Variants in NTM observed in about 807,000 individuals in gnomAD.
NTM encodes neurotrimin, also known as IgLON family member 2.
NTM carries 13 observed loss-of-function variants against 42.1 expected under a neutral mutation model. That is an observed-to-expected ratio of 0.31 (90% CI 0.20 to 0.49). The LOEUF is 0.49. NTM is among the 20% of genes least tolerant of loss of function. The probability of loss-of-function intolerance (pLI) is 0.99; values close to 1 mark genes in which losing one functional copy is unlikely to be tolerated. For missense variants in NTM, 373 were observed against 452.8 expected, an observed-to-expected ratio of 0.82 and a Z score of 1.60; for synonymous variants, 187 against 179.2, an observed-to-expected ratio of 1.04 and a Z score of -0.35.
At chr11:131,473,610 A>C (rs924167245) in intron 1 of NTM, among the ~76,000 whole-genome samples, 1 of 152,212 alleles carries the variant, frequency 6.6e-6, no homozygotes, top group Non-Finnish European at 1.5e-5. Context: ...AAGGTTTTTG[A>C]GAAGCTTGGA....
chr11:132,247,711 C>G (rs768976835), intron 4 of NTM, among the ~76,000 whole-genome samples: 49 of 152,102 alleles, frequency 3.2e-4, no homozygotes, highest in Non-Finnish European at 6.0e-4. Context: ...AAAGTTGGAT[C>G]TAGGAGACCA....
chr11:131,887,833 T>A (rs770706590), intron 1 of NTM, among the ~76,000 whole-genome samples: 7 of 152,238 alleles, frequency 4.6e-5, no homozygotes, highest in Non-Finnish European at 8.8e-5. Context: ...TATCAGATGA[T>A]TATGATAGCA....
intron 2 of NTM, among the ~76,000 whole-genome samples, chr11:132,118,788 T>G (rs896946586): frequency 2.0e-5 from 3 of 152,194 alleles, no homozygotes; most frequent in African/African-American, 7.2e-5. Flanking sequence ...TTAGGCTGGT[T>G]TCAATGAAAA....
intron 3 of NTM, among the ~76,000 whole-genome samples, chr11:132,172,141 A>G (rs1591998042): frequency 6.6e-6 from 1 of 152,326 alleles, no homozygotes; most frequent in South Asian, 2.1e-4. Context: ...TTAAGTTTGG[A>G]CCACTCTTGG....
At chr11:131,832,592 T>C (rs1037217575) in intron 1 of NTM, among the ~76,000 whole-genome samples, 3 of 152,184 alleles carry the variant, frequency 2.0e-5, no homozygotes, top group Admixed American at 2.0e-4. Context: ...ATGAGGCAGC[T>C]TAGTGTAGGT....
At chr11:132,248,726 G>T (rs1211551921) in intron 4 of NTM, among the ~76,000 whole-genome samples, 1 of 152,200 alleles carries the variant, frequency 6.6e-6, no homozygotes, top group Non-Finnish European at 1.5e-5. Context: ...TCAGCTGAAG[G>T]CAGTAAATTC....
At chr11:132,242,619 C>T (rs984452240) in intron 4 of NTM, among the ~76,000 whole-genome samples, 9 of 152,318 alleles carry the variant, frequency 5.9e-5, no homozygotes, top group East Asian at 3.9e-4. Context: ...CGCTTTCACA[C>T]GGCCCGAGTA....
At chr11:131,521,201 G>A (rs2049612128) in intron 1 of NTM, among the ~76,000 whole-genome samples, 2 of 151,364 alleles carry the variant, frequency 1.3e-5, no homozygotes, top group Non-Finnish European at 2.9e-5. Flanking sequence ...TGTAGTCCCA[G>A]CTACTTGGGA....
chr11:132,004,638 A>T lies in NTM; in HGVS notation c.167+92990A>T, dbSNP rs868125820. Among the ~76,000 whole-genome samples the T allele has an allele frequency of 6.2e-4, 85 of 136,156 alleles. No individual in the cohort carries two copies. The South Asian group carries it at 8.7e-3, about 14-fold the overall frequency. 89.3% of individuals were successfully genotyped at this position (136,156 alleles called of 152,430 possible). ...CTCTCTCTCTCTCTCTCTCTCTCACACACACACACACACACAACACACACA... is the reference window on the plus strand; with the variant it reads ...CTCTCTCTCTCTCTCTCTCTCTCACTCACACACACACACACAACACACACA... On this transcript the variant is annotated intron_variant, in intron 2 of 8. Coordinates refer to ENST00000683400, the MANE Select transcript of NTM (RefSeq NM_001352005.2).
chr11:132,311,412 C>G (rs894174080), intron 6 of NTM, among the ~76,000 whole-genome samples: 6 of 152,142 alleles, frequency 3.9e-5, no homozygotes, highest in Admixed American at 3.9e-4. Context: ...ATTCATGTAG[C>G]CCATTTTACA....
chr11:132,162,357 TG>T (rs1452142257), intron 3 of NTM, among the ~76,000 whole-genome samples: 3 of 150,124 alleles, frequency 2.0e-5, no homozygotes, highest in Admixed American at 6.6e-5. Flanking sequence ...GTGGGGCATG[TG>T]GGGGGGACTG....
chr11:132,012,236 T>A (rs2072369771), intron 2 of NTM, among the ~76,000 whole-genome samples: 1 of 152,200 alleles, frequency 6.6e-6, no homozygotes, highest in Admixed American at 6.5e-5. Flanking sequence ...TAATTCAGTG[T>A]TAAATTGTGT....
At chr11:131,502,568 G>A (rs981541269) in intron 1 of NTM, among the ~76,000 whole-genome samples, 7 of 152,122 alleles carry the variant, frequency 4.6e-5, no homozygotes, top group African/African-American at 1.7e-4. Context: ...AAGAGAGTGA[G>A]GAGTCGGGGC....
chr11:131,925,386 T>C (rs1194938002), intron 2 of NTM, among the ~76,000 whole-genome samples: 83 of 141,550 alleles, frequency 5.9e-4, no homozygotes, highest in African/African-American at 2.1e-3. Context: ...CTTTTCTCTT[T>C]TTTTTTTTTT....
intron 1 of NTM, chr11:131,503,059 A>G (rs994218284): frequency 6.6e-6 from 1 of 152,486 alleles, no homozygotes; most frequent in Non-Finnish European, 1.5e-5. Context: ...GAGGGACTGC[A>G]GTCAGGGTCA....
intron 1 of NTM, among the ~76,000 whole-genome samples, chr11:131,777,571 T>C (rs368938410): frequency 4.6e-5 from 7 of 151,728 alleles, no homozygotes; most frequent in African/African-American, 1.7e-4. Flanking sequence ...AATTCTGCGT[T>C]CTTGTTTCAG....
intron 1 of NTM, among the ~76,000 whole-genome samples, chr11:131,737,308 G>A (rs1306364135): frequency 6.6e-6 from 1 of 152,186 alleles, no homozygotes; most frequent in African/African-American, 2.4e-5. Flanking sequence ...AGCCACAGAT[G>A]CAGGGATGGT....
intron 2 of NTM, among the ~76,000 whole-genome samples, chr11:132,035,347 C>G (rs2076384766): frequency 6.6e-6 from 1 of 152,148 alleles, no homozygotes. Context: ...GGACTCGGAT[C>G]CTTGAGGGAG....
At position 131,904,625 on chromosome 11, in the gene NTM, G is replaced by C. The variant is rs180937569; in HGVS notation, c.83-6939G>C. Among the ~76,000 whole-genome samples the C allele has an allele frequency of 1.9e-3, 297 of 152,320 alleles. 3 individuals carry two copies. Among genetic ancestry groups the C allele is most frequent in the African/African-American group, 6.9e-3 (288 of 41,584 alleles). ...TTTGGATTCAGCCATCAGGCACCTT[G>C]GAGCAATGAAGGGCTTAAAGGCTTA... is the stretch of plus-strand genomic sequence containing the variant. On this transcript the variant is annotated intron_variant, in intron 1 of 8. Transcript: ENST00000683400.
Sources: gnomAD v4.1 joint callset for allele counts (sites outside exome capture counted in the v4.1 genomes callset) on GRCh38, gnomAD v4.1.1 for gene constraint, MANE v1.5 for transcripts, NCBI Gene and HGNC (gene_info 2026-07-23, HGNC 2026-07-21) for gene names.